PHTF2: variants seen among roughly 807,000 people sequenced by gnomAD.
PHTF2 encodes the protein putative homeodomain transcription factor 2.
PHTF2 carries 60 observed loss-of-function variants against 101.2 expected under a neutral mutation model. That is an observed-to-expected ratio of 0.59 (90% CI 0.48 to 0.73). The LOEUF is 0.73. Ranked by LOEUF, PHTF2 falls within the 30% of genes least tolerant of loss-of-function variation. The pLI, the probability that PHTF2 is intolerant of heterozygous loss-of-function variation, is 0.00. For synonymous variants in PHTF2, 311 were observed against 307.3 expected (o/e 1.01, Z -0.13); for missense variants, 747 against 908.7 (o/e 0.82, Z 2.29).
intron 1 of PHTF2, among the ~76,000 whole-genome samples, chr7:77,838,253 A>T (rs1054442590): frequency 3.9e-5 from 6 of 152,206 alleles, no homozygotes; most frequent in African/African-American, 1.4e-4. Flanking sequence ...GGGAGATTTT[A>T]AGTCAGTAAG....
chr7:77,813,681 C>T (rs965496286), intron 1 of PHTF2, among the ~76,000 whole-genome samples: 27 of 152,148 alleles, frequency 1.8e-4, no homozygotes, highest in Non-Finnish European at 1.9e-4. Context: ...GCTTACTTAG[C>T]TCATCATTCT....
intron 1 of PHTF2, among the ~76,000 whole-genome samples, chr7:77,805,753 A>G (rs1307138800): frequency 2.6e-5 from 4 of 152,256 alleles, no homozygotes; most frequent in Non-Finnish European, 4.4e-5. Flanking sequence ...GCTCTGGTCA[A>G]AGAACATACA....
chr7:77,951,780 T>C (rs939687997), intron 18 of PHTF2, 68 bp downstream of exon 17: 34 of 687,658 alleles, frequency 4.9e-5, no homozygotes, highest in Middle Eastern at 2.5e-4. Context: ...ATTTTTTTGT[T>C]TATAGATATT....
chr7:77,820,319 A>G (rs1401185227), intron 1 of PHTF2, among the ~76,000 whole-genome samples: 1 of 152,016 alleles, frequency 6.6e-6, no homozygotes, highest in Non-Finnish European at 1.5e-5. Context: ...TAGGTGTTCA[A>G]ATTTATTTGT....
chr7:77,849,531 A>G (rs1314764174), intron 2 of PHTF2, among the ~76,000 whole-genome samples: 1 of 152,062 alleles, frequency 6.6e-6, no homozygotes, highest in African/African-American at 2.4e-5. Flanking sequence ...AGAATGTCTG[A>G]CTATTCTTGG....
At chr7:77,946,676 A>G (rs1041543442) in intron 16 of PHTF2, among the ~76,000 whole-genome samples, 8 of 152,208 alleles carry the variant, frequency 5.3e-5, no homozygotes, top group Admixed American at 3.9e-4. Flanking sequence ...GACACATACA[A>G]TCTCTGAAAT....
chr7:77,910,602 C>T (rs1802295884), intron 9 of PHTF2, among the ~76,000 whole-genome samples, 193 bp downstream of exon 8: 1 of 152,006 alleles, frequency 6.6e-6, no homozygotes, highest in Admixed American at 6.6e-5. Flanking sequence ...TGTGTACATA[C>T]ATCTATACGA....
At chr7:77,827,515 G>A (rs1163297671) in intron 1 of PHTF2, among the ~76,000 whole-genome samples, 4 of 151,810 alleles carry the variant, frequency 2.6e-5, no homozygotes, top group South Asian at 2.1e-4. Flanking sequence ...CACCACGCCC[G>A]GCTAGTTTTT....
At chr7:77,868,650 G>A (rs1057170900) in intron 3 of PHTF2, among the ~76,000 whole-genome samples, 33 of 152,028 alleles carry the variant, frequency 2.2e-4, no homozygotes, top group Admixed American at 2.2e-3. Context: ...ACTAAGAATA[G>A]CAATTTCCAC....
chr7:77,821,112 A>G (rs1794251712), intron 1 of PHTF2, among the ~76,000 whole-genome samples: 1 of 140,584 alleles, frequency 7.1e-6, no homozygotes, highest in African/African-American at 2.9e-5. Context: ...TGGATATAAT[A>G]TTCTTGGATG....
chr7:77,815,934 C>T (rs865867302), intron 1 of PHTF2, among the ~76,000 whole-genome samples: 2 of 151,904 alleles, frequency 1.3e-5, no homozygotes, highest in African/African-American at 4.8e-5. Context: ...TGTTTTTTTC[C>T]GTTCTCTCTG....
At chr7:77,809,917 C>G (rs1793304648) in intron 1 of PHTF2, among the ~76,000 whole-genome samples, 1 of 152,052 alleles carries the variant, frequency 6.6e-6, no homozygotes, top group African/African-American at 2.4e-5. Context: ...TTTTCTTATT[C>G]CCACCCATTG....
At chr7:77,912,710 C>CTTTTTTTTTTTTT (rs536966733) in intron 9 of PHTF2, among the ~76,000 whole-genome samples, 2 of 80,466 alleles carry the variant, frequency 2.5e-5, no homozygotes, top group Non-Finnish European at 4.8e-5. Flanking sequence ...AGAGAACCAC[C>CTTTTTTTTTTTTT]TTTTTTTTTT....
At chr7:77,831,037 C>G (rs567882094) in intron 1 of PHTF2, among the ~76,000 whole-genome samples, 2 of 152,314 alleles carry the variant, frequency 1.3e-5, no homozygotes, top group Admixed American at 1.3e-4. Flanking sequence ...AAAAAGAAAG[C>G]TGCATTTAAA....
chr7:77,828,761 G>A (rs148401584), intron 1 of PHTF2, among the ~76,000 whole-genome samples: 21 of 152,218 alleles, frequency 1.4e-4, no homozygotes, highest in Admixed American at 2.0e-4. Context: ...CCAGCTACTC[G>A]GGAGGCTGAG....
intron 3 of PHTF2, among the ~76,000 whole-genome samples, chr7:77,891,689 C>G (rs1214985186): frequency 6.6e-6 from 1 of 151,978 alleles, no homozygotes; most frequent in Admixed American, 6.6e-5. Context: ...CAGGCTCATG[C>G]AATCCTCCCA....
intron 16 of PHTF2, among the ~76,000 whole-genome samples, chr7:77,947,094 C>G (rs1307136955): frequency 6.6e-6 from 1 of 151,964 alleles, no homozygotes; most frequent in Non-Finnish European, 1.5e-5. Context: ...GCACTCCAGC[C>G]TGGAGTAACA....
chr7:77,933,011 G>T (rs900371552), intron 12 of PHTF2, among the ~76,000 whole-genome samples: 7 of 152,108 alleles, frequency 4.6e-5, no homozygotes, highest in African/African-American at 1.7e-4. Flanking sequence ...GGCCGAGGCG[G>T]GTGGATCACA....
chr7:77,897,998 T>C (rs768228109), intron 5 of PHTF2, among the ~76,000 whole-genome samples: 4 of 151,734 alleles, frequency 2.6e-5, no homozygotes, highest in South Asian at 4.2e-4. Context: ...TTTTTTTTTT[T>C]TTCTTTTTAA....
Sources: gnomAD v4.1 joint callset for allele counts (sites outside exome capture counted in the v4.1 genomes callset) on GRCh38, gnomAD v4.1.1 for gene constraint, MANE v1.5 for transcripts, NCBI Gene and HGNC (gene_info 2026-07-23, HGNC 2026-07-21) for gene names.